ARHGAP24: variants seen among roughly 807,000 people sequenced by gnomAD.
The protein encoded by ARHGAP24 is rho GTPase-activating protein 24.
Under a neutral mutation model 76.4 loss-of-function variants are expected in ARHGAP24, and 50 were observed. The observed-to-expected ratio is 0.65, with a 90% CI of 0.52 to 0.83. ARHGAP24 has a LOEUF of 0.83. Ranked by LOEUF, ARHGAP24 falls within the 40% of genes least tolerant of loss-of-function variation. The pLI, the probability that ARHGAP24 is intolerant of heterozygous loss-of-function variation, is 0.00. For synonymous variants in ARHGAP24, 345 were observed against 323.3 expected, an observed-to-expected ratio of 1.07 and a Z score of -0.72; for missense variants, 930 against 914.2, an observed-to-expected ratio of 1.02 and a Z score of -0.22.
chr4:85,949,941 G>A lies in ARHGAP24; in HGVS notation c.599+7668G>A, dbSNP rs575361352. On this transcript the variant is annotated intron_variant, in intron 5 of 9. Transcript: ENST00000395184. ...CTGGGGTTTGCCTTACAAGTCATGG[G>A]CAGATAAACAATAAACAGCAAATAT... Among the ~76,000 whole-genome samples the A allele has an allele frequency of 6.6e-5, 10 of 152,254 alleles. No homozygotes were observed. The South Asian group carries it at 1.9e-3, about 28-fold the overall frequency.
At chr4:85,658,934 G>C (rs1035760653) in intron 2 of ARHGAP24, among the ~76,000 whole-genome samples, 1 of 152,200 alleles carries the variant, frequency 6.6e-6, no homozygotes, top group African/African-American at 2.4e-5. Context: ...CTGTTCTGAA[G>C]CAGAGCTGAT....
intron 4 of ARHGAP24, chr4:85,930,876 C>A: frequency 6.2e-7 from 1 of 1,611,454 alleles, no homozygotes; most frequent in South Asian, 1.1e-5. Flanking sequence ...GGGTTTCGCT[C>A]AGAGGCAGGT....
chr4:85,782,938 TA>T (rs1727633068), intron 3 of ARHGAP24, among the ~76,000 whole-genome samples: 1 of 152,220 alleles, frequency 6.6e-6, no homozygotes, highest in African/African-American at 2.4e-5. Context: ...AAAATGATGT[TA>T]AAACTGCTAT....
At chr4:85,771,803 G>A (rs1483202779) in intron 3 of ARHGAP24, among the ~76,000 whole-genome samples, 8 of 152,058 alleles carry the variant, frequency 5.3e-5, no homozygotes, top group African/African-American at 1.7e-4. Flanking sequence ...TCTGCCTCCC[G>A]GGTTCAAGTG....
intron 2 of ARHGAP24, among the ~76,000 whole-genome samples, chr4:85,599,387 T>C (rs561648708): frequency 2.0e-5 from 3 of 152,320 alleles, no homozygotes; most frequent in East Asian, 3.9e-4. Context: ...TTTTCCATTA[T>C]AGTATATGTC....
Position 85,776,709 on chromosome 4 carries a change from C to G in ARHGAP24, c.268+54737C>G, listed in dbSNP as rs559555902. 1.1e-4 allele frequency among the ~76,000 whole-genome samples: 17 copies of G among 152,244 alleles called. No homozygotes were observed. In the East Asian group the frequency reaches 2.7e-3, roughly 24 times the overall value. The stretch of plus-strand genomic sequence containing the variant: ...GTCTATGGCTCAGCCCACTCCTGTT[C>G]TAAACAATCTGTGACTTCTCTTCAC... On this transcript the variant is annotated intron_variant, in intron 3 of 9. Transcript: ENST00000395184.
chr4:85,626,124 T>G (rs1185850979), intron 2 of ARHGAP24, among the ~76,000 whole-genome samples: 1 of 152,234 alleles, frequency 6.6e-6, no homozygotes, highest in East Asian at 1.9e-4. Flanking sequence ...TGATGTTAGC[T>G]GGTTATTTTG....
intron 2 of ARHGAP24, among the ~76,000 whole-genome samples, chr4:85,602,169 C>T (rs955631785): frequency 3.3e-5 from 5 of 152,060 alleles, no homozygotes; most frequent in Admixed American, 6.5e-5. Flanking sequence ...AACCATAGTA[C>T]ATAGATAAAA....
intron 3 of ARHGAP24, among the ~76,000 whole-genome samples, chr4:85,882,322 A>G (rs966802359): frequency 5.3e-5 from 8 of 152,202 alleles, no homozygotes; most frequent in Non-Finnish European, 1.2e-4. Context: ...GGAGAATTAG[A>G]TGACATAACA....
intron 5 of ARHGAP24, 111 bp from the exon 6 acceptor site, chr4:85,971,925 C>A: frequency 6.7e-7 from 1 of 1,501,268 alleles, no homozygotes; most frequent in South Asian, 1.2e-5. Context: ...TGGGTTGATT[C>A]ATTCAATTGC....
chr4:85,883,179 A>G (rs1042289641), intron 3 of ARHGAP24, among the ~76,000 whole-genome samples: 1 of 152,186 alleles, frequency 6.6e-6, no homozygotes, highest in Non-Finnish European at 1.5e-5. Flanking sequence ...TTCGCATATA[A>G]TGAAGAATTT....
At chr4:85,649,011 A>ATGTGTGTGTGTGTGTGTGTG (rs3028048) in intron 2 of ARHGAP24, among the ~76,000 whole-genome samples, 1 of 147,924 alleles carries the variant, frequency 6.8e-6, no homozygotes, top group African/African-American at 2.6e-5. Context: ...ATTTGTAAAT[A>ATGTGTGTGTGTGTGTGTGTG]TGTGTGTGTG....
chr4:85,605,700 G>A (rs755245973), intron 2 of ARHGAP24, among the ~76,000 whole-genome samples: 3 of 152,082 alleles, frequency 2.0e-5, no homozygotes, highest in Non-Finnish European at 4.4e-5. Context: ...CACGTGTATC[G>A]TGGAAATGAA....
intron 1 of ARHGAP24, among the ~76,000 whole-genome samples, chr4:85,553,291 C>G (rs967594755): frequency 6.6e-5 from 10 of 152,096 alleles, no homozygotes; most frequent in Non-Finnish European, 1.5e-4. Flanking sequence ...GAAGGGGACC[C>G]GCAGTGGGTT....
chr4:85,959,176 C>T (rs573827535), intron 5 of ARHGAP24, among the ~76,000 whole-genome samples: 1 of 152,338 alleles, frequency 6.6e-6, no homozygotes, highest in South Asian at 2.1e-4. Flanking sequence ...ATGGATTATT[C>T]ATGCCTCCCC....
At chr4:85,499,424 G>T (rs1416358077) in intron 1 of ARHGAP24, among the ~76,000 whole-genome samples, 1 of 152,194 alleles carries the variant, frequency 6.6e-6, no homozygotes, top group Non-Finnish European at 1.5e-5. Flanking sequence ...CTTTAAGTGG[G>T]AGAGAAATAC....
intron 1 of ARHGAP24, among the ~76,000 whole-genome samples, chr4:85,553,001 G>A (rs1222326343): frequency 6.6e-6 from 1 of 152,086 alleles, no homozygotes; most frequent in African/African-American, 2.4e-5. Context: ...GTTCATAAAG[G>A]TGGTGTGTCC....
chr4:85,649,606 C>G (rs1721859273), intron 2 of ARHGAP24, among the ~76,000 whole-genome samples: 1 of 152,098 alleles, frequency 6.6e-6, no homozygotes, highest in Non-Finnish European at 1.5e-5. Flanking sequence ...ATTTAATGGT[C>G]TGTCAGTATG....
chr4:85,996,908 G>GA (rs1348141802), intron 9 of ARHGAP24, among the ~76,000 whole-genome samples: 7 of 152,218 alleles, frequency 4.6e-5, no homozygotes, highest in Non-Finnish European at 8.8e-5. Flanking sequence ...AGTAGAAAAA[G>GA]AAAAAAGTTA....
Sources: allele counts gnomAD v4.1 joint callset (sites outside exome capture counted in the v4.1 genomes callset), GRCh38; gene constraint gnomAD v4.1.1; transcripts MANE v1.5; gene names NCBI Gene and HGNC (gene_info 2026-07-23, HGNC 2026-07-21).